ZNF839: variants seen among roughly 807,000 people sequenced by gnomAD.
The protein encoded by ZNF839 is zinc finger protein 839.
A neutral mutation model predicts 56.4 loss-of-function variants in ZNF839; 38 were observed. That is an observed-to-expected ratio of 0.67 (90% CI 0.52 to 0.88). The LOEUF is 0.88. Ranked by LOEUF, ZNF839 falls within the 40% of genes least tolerant of loss-of-function variation. The pLI is 0.00. For synonymous variants in ZNF839, 486 were observed against 493.5 expected (o/e 0.98, Z 0.20); for missense variants, 1,091 against 1,177.6 (o/e 0.93, Z 1.08).
chr14:102,328,375 A>AATATATATATAT lies in ZNF839; in HGVS notation c.1191+1513_1191+1524dup, dbSNP rs71116898. Among the ~76,000 whole-genome samples, 134 of 16,290 alleles carry AATATATATATAT rather than the reference A, an allele frequency of 8.2e-3. 5 individuals carry two copies. The highest frequency in any genetic ancestry group is 0.013 in the Non-Finnish European group (96 of 7,326). 10.7% of individuals were successfully genotyped at this position (16,290 alleles called of 152,430 possible). A position where few individuals can be genotyped will look rare whatever the true frequency, so the allele number is the denominator to read the frequency against. Reference sequence around the variant, plus strand: ...ATCTCAAAAAAAAAAAAAAAAAAAAAATATATATATATATATATATATATA... The same window carrying AATATATATATAT: ...ATCTCAAAAAAAAAAAAAAAAAAAAAATATATATATATATATATATATATATATATATATATA... On this transcript the variant is annotated intron_variant, in intron 2 of 7. Coordinates refer to ENST00000442396, the MANE Select transcript of ZNF839 (RefSeq NM_018335.6).
chr14:102,326,403 A>C lies in ZNF839; in HGVS notation c.707A>C (p.His236Pro). 2 of 1,613,386 alleles carry C rather than the reference A, an allele frequency of 1.2e-6. No individual in the cohort carries two copies. The highest frequency in any genetic ancestry group is 1.7e-6 in the Non-Finnish European group (2 of 1,179,584). The change falls in exon 2 of 8, where the codon CAT becomes CCT. Residue 236 changes from histidine to proline, a missense_variant. His to Pro is a moderately conservative substitution (Grantham distance 77). Transcript: ENST00000442396. The surrounding 1 kb of genome is among the most constrained non-coding windows in gnomAD (Gnocchi z 4.3). The stretch of plus-strand genomic sequence containing the variant: ...TTTATTTCCAACTTGCATACAAGAC[A>C]TACTGAGAAACTAAAAAAATCGTTA... ...HPFISNLHTRHTEKLKKSLKV... is the reference protein window; with the variant it reads ...HPFISNLHTRPTEKLKKSLKV...
chr14:102,318,024 A>G (rs999094140), upstream of ZNF839, among the ~76,000 whole-genome samples: 1 of 152,260 alleles, frequency 6.6e-6, no homozygotes, highest in Admixed American at 6.5e-5. Context: ...TGACCTAAAT[A>G]AGAAGCAGCT....
intron 2 of ZNF839, among the ~76,000 whole-genome samples, chr14:102,328,179 A>AC (rs1486246767): frequency 6.6e-6 from 1 of 151,244 alleles, no homozygotes; most frequent in Non-Finnish European, 1.5e-5. Context: ...ACATGGTGAA[A>AC]CCCCATCTCT....
intron 2 of ZNF839, among the ~76,000 whole-genome samples, chr14:102,329,181 A>G (rs1330558237): frequency 6.6e-6 from 1 of 151,810 alleles, no homozygotes; most frequent in Non-Finnish European, 1.5e-5. Flanking sequence ...ATGTTAGCCA[A>G]GATGGTCTCG....
intron 1 of ZNF839, among the ~76,000 whole-genome samples, chr14:102,320,446 A>G (rs940507870): frequency 7.9e-5 from 12 of 152,192 alleles, no homozygotes; most frequent in African/African-American, 2.9e-4. Context: ...AGCCTTGAAC[A>G]CACTTGCTGA....
chr14:102,328,028 TTTGCA>T (rs1242031250), intron 2 of ZNF839, among the ~76,000 whole-genome samples: 1 of 151,958 alleles, frequency 6.6e-6, no homozygotes, highest in African/African-American at 2.4e-5. Context: ...TCGCTATGAA[TTTGCA>T]TTATCACATC....
In ZNF839 at chr14:102,342,217, CGTGGA is replaced by C. The variant is rs34220197; in HGVS notation, c.*40_*44del. On this transcript the variant is annotated 3_prime_UTR_variant, in exon 8 of 8. Transcript: ENST00000442396. The stretch of plus-strand genomic sequence containing the variant: ...TAGAAGCTGTGGAGTCGGTCGTCAC[CGTGGA>C]GCCAGAGCCCTCACAGTGAAGTGGA... The C allele has an allele frequency of 0.33, 518,308 of 1,561,766 alleles. 88,888 individuals are homozygous for C. Among genetic ancestry groups the C allele is most frequent in the Non-Finnish European group, 0.36 (412,544 of 1,151,382 alleles).
upstream of ZNF839, among the ~76,000 whole-genome samples, chr14:102,317,998 A>G (rs2072947086): frequency 6.6e-6 from 1 of 152,244 alleles, no homozygotes; most frequent in Admixed American, 6.5e-5. Context: ...TCTACAGTGG[A>G]AACAGCTACT....
upstream of ZNF839, among the ~76,000 whole-genome samples, chr14:102,317,967 G>A (rs2072946002): frequency 6.6e-6 from 1 of 152,164 alleles, no homozygotes; most frequent in Admixed American, 6.5e-5. Flanking sequence ...TCCGGCAAGG[G>A]CTCCACCTGT....
intron 2 of ZNF839, among the ~76,000 whole-genome samples, chr14:102,328,904 T>C (rs1157007840): frequency 6.6e-6 from 1 of 152,184 alleles, no homozygotes; most frequent in Non-Finnish European, 1.5e-5. Flanking sequence ...GCTTTCACCT[T>C]CTGGCTATTG....
intron 2 of ZNF839, among the ~76,000 whole-genome samples, chr14:102,328,561 C>G (rs12886150): frequency 6.6e-6 from 1 of 151,312 alleles, no homozygotes; most frequent in Non-Finnish European, 1.5e-5. Flanking sequence ...CTCTTTTCAT[C>G]TTCTAAAACT....
intron 2 of ZNF839, among the ~76,000 whole-genome samples, chr14:102,327,187 C>T (rs967968336): frequency 2.0e-5 from 3 of 152,110 alleles, no homozygotes; most frequent in Non-Finnish European, 4.4e-5. Flanking sequence ...GTCATCCAGG[C>T]TGGAGCACAG....
At position 102,325,997 on chromosome 14, in the gene ZNF839, A is replaced by G. The variant is rs538266166; in HGVS notation, c.301A>G (p.Ile101Val). ...TTCTGTACGTAAGCAACTAGAAGCCATTTGTGTCAAGGTAACGTCTGGAGA... is the reference window on the plus strand; with the variant it reads ...TTCTGTACGTAAGCAACTAGAAGCCGTTTGTGTCAAGGTAACGTCTGGAGA... Reference protein sequence around the residue: ...RLLPPQQLEAICVKVTSGETK... With the variant: ...RLLPPQQLEAVCVKVTSGETK... Residue 101 changes from isoleucine (I) to valine (V), a missense_variant, in exon 2 of 8, where the codon ATT becomes GTT. This residue lies in a region of ZNF839 where 614 missense variants were observed against 629.2 expected (regional missense o/e 0.98). Transcript: ENST00000442396. The G allele has an allele frequency of 1.2e-6, 2 of 1,612,516 alleles. No homozygotes were observed. The highest frequency in any genetic ancestry group is 1.7e-5 in the Admixed American group (1 of 59,742).
chr14:102,341,176 G>T, intron 7 of ZNF839, 147 bp from the exon 8 acceptor site: 3 of 846,220 alleles, frequency 3.5e-6, no homozygotes, highest in Non-Finnish European at 5.0e-6. Flanking sequence ...TTTTAAAATT[G>T]CTACCAATCC....
At chr14:102,324,984 G>A (rs1310304314) in intron 1 of ZNF839, among the ~76,000 whole-genome samples, 1 of 152,076 alleles carries the variant, frequency 6.6e-6, no homozygotes, top group Non-Finnish European at 1.5e-5. Flanking sequence ...GGGTAAAACT[G>A]TTAGGAAGGC....
chr14:102,326,783 A>G lies in ZNF839; in HGVS notation c.1087A>G (p.Arg363Gly), dbSNP rs767271651. The change falls in exon 2 of 8, where the codon AGG (arginine) becomes GGG (glycine). Residue 363 changes from arginine (R) to glycine (G), a missense_variant. Arg to Gly is a moderately radical substitution (Grantham distance 125). This residue lies in a region of ZNF839 where 614 missense variants were observed against 629.2 expected (regional missense o/e 0.98). Coordinates refer to ENST00000442396, the MANE Select transcript of ZNF839 (RefSeq NM_018335.6). The surrounding 1 kb of genome is among the most constrained non-coding windows in gnomAD (Gnocchi z 4.3). ...CACCCTCCGGGGGTGCACGGAGGAA[A>G]GGACGCTCAGCCTGACCTCCCTGGG... ...GSTLRGCTEE[R>G]TLSLTSLGLS... 1.2e-6 allele frequency: 2 copies of G among 1,612,486 alleles called. No individual in the cohort carries two copies. The highest frequency in any genetic ancestry group is 1.1e-5 in the South Asian group (1 of 90,772).
In ZNF839 at chr14:102,338,665, A is replaced by C. The variant is rs548303362; in HGVS notation, c.1660-151A>C. On this transcript the variant is annotated intron_variant, in intron 5 of 7. Transcript: ENST00000442396. ...TCCATCTAACATTATATTGATCTTC[A>C]TCTTTCTCATTGTTGAGATGGCATC... The C allele has an allele frequency of 4.7e-5, 50 of 1,066,054 alleles. No individual in the cohort carries two copies. In the South Asian group the frequency reaches 7.4e-4, roughly 16 times the overall value. 66.0% of individuals were successfully genotyped at this position (1,066,054 alleles called of 1,614,324 possible).
chr14:102,322,982 A>G (rs1021312198), intron 1 of ZNF839, among the ~76,000 whole-genome samples: 3 of 152,222 alleles, frequency 2.0e-5, no homozygotes, highest in South Asian at 4.1e-4. Context: ...TTCTTCATAC[A>G]AAGTGTTGGC....
chr14:102,327,628 T>C (rs1351841700), intron 2 of ZNF839, among the ~76,000 whole-genome samples: 6 of 152,222 alleles, frequency 3.9e-5, no homozygotes, highest in African/African-American at 1.4e-4. Context: ...TCCCAGTTCC[T>C]GCCCCTGCCT....
Sources: allele counts gnomAD v4.1 joint callset (sites outside exome capture counted in the v4.1 genomes callset), GRCh38; gene constraint gnomAD v4.1.1; regional missense constraint gnomAD v4.1.1; non-coding constraint Gnocchi (gnomAD v3.1); transcripts MANE v1.5; gene names NCBI Gene and HGNC (gene_info 2026-07-23, HGNC 2026-07-21).